RBFOX1: variants seen among roughly 807,000 people sequenced by gnomAD.
RBFOX1 encodes the protein RNA binding protein fox-1 homolog 1.
A neutral mutation model predicts 57.7 loss-of-function variants in RBFOX1; 8 were observed. The ratio of observed to expected loss-of-function variants is 0.14; its 90% CI spans 0.08 to 0.25. RBFOX1 has a LOEUF of 0.25. Among genes scored for constraint, RBFOX1 ranks in the 10% least tolerant of loss-of-function variants. The probability of loss-of-function intolerance (pLI) is 1.00; values close to 1 mark genes in which losing one functional copy is unlikely to be tolerated. For synonymous variants in RBFOX1, 326 were observed against 222.4 expected (o/e 1.47, Z -4.15); for missense variants, 611 against 548.5 (o/e 1.11, Z -1.14).
chr16:7,305,948 G>A (rs1466794595), intron 4 of RBFOX1, among the ~76,000 whole-genome samples: 3 of 152,086 alleles, frequency 2.0e-5, no homozygotes, highest in African/African-American at 7.2e-5. Context: ...ATGTGCATGT[G>A]CGTTTTATAC....
At chr16:6,299,939 A>G (rs2078614384) in intron 1 of RBFOX1, among the ~76,000 whole-genome samples, 1 of 152,176 alleles carries the variant, frequency 6.6e-6, no homozygotes, top group African/African-American at 2.4e-5. Context: ...TGCCCCCAGA[A>G]CCTACAGTTA....
intron 4 of RBFOX1, among the ~76,000 whole-genome samples, chr16:7,400,538 C>G (rs953080675): frequency 2.6e-5 from 4 of 152,104 alleles, no homozygotes; most frequent in African/African-American, 7.2e-5. Context: ...CAAATATATT[C>G]CTTTCCGGAT....
chr16:7,493,978 A>G (rs1177655269), intron 4 of RBFOX1, among the ~76,000 whole-genome samples: 1 of 152,224 alleles, frequency 6.6e-6, no homozygotes, highest in Non-Finnish European at 1.5e-5. Context: ...AGTTATTTGA[A>G]GAACCACACT....
chr16:5,396,367 A>T (rs184796428), intron 1 of RBFOX1, among the ~76,000 whole-genome samples: 6 of 152,260 alleles, frequency 3.9e-5, no homozygotes, highest in Admixed American at 3.3e-4. Context: ...GGGGCGAGGC[A>T]TGGGGGCTCA....
intron 3 of RBFOX1, among the ~76,000 whole-genome samples, chr16:6,849,317 T>C (rs2093939796): frequency 6.6e-6 from 1 of 152,224 alleles, no homozygotes; most frequent in Non-Finnish European, 1.5e-5. Context: ...GTGTTCATTT[T>C]TAAGAGAAAT....
At chr16:7,185,758 C>A (rs760494277) in intron 4 of RBFOX1, among the ~76,000 whole-genome samples, 35 of 152,126 alleles carry the variant, frequency 2.3e-4, no homozygotes, top group Non-Finnish European at 4.6e-4. Flanking sequence ...TATTGAATTC[C>A]TTCTGAAACT....
Position 6,311,679 on chromosome 16 carries a change from G to A in RBFOX1, c.-126-5316G>A, listed in dbSNP as rs74448701. Among the ~76,000 whole-genome samples, 1,228 of 152,302 alleles carry A rather than the reference G, an allele frequency of 8.1e-3. 3 individuals are homozygous for A. Among genetic ancestry groups the A allele is most frequent in the Non-Finnish European group, 0.011 (754 of 68,022 alleles). On this transcript the variant is annotated intron_variant, in intron 1 of 15. Coordinates refer to ENST00000550418, the MANE Select transcript of RBFOX1 (RefSeq NM_018723.4). ...GAGTCCAGGAAGGCATGAATCTTTCGCATGGCAGACTGAGGCCCATCAGAT... is the reference window on the plus strand; with the variant it reads ...GAGTCCAGGAAGGCATGAATCTTTCACATGGCAGACTGAGGCCCATCAGAT...
At chr16:5,261,635 C>T (rs1473714892) in intron 1 of RBFOX1, among the ~76,000 whole-genome samples, 8 of 151,212 alleles carry the variant, frequency 5.3e-5, no homozygotes, top group Non-Finnish European at 8.8e-5. Context: ...CTGCAAGCTC[C>T]GCCTCCCGGG....
chr16:6,582,231 T>C (rs2097546292), intron 2 of RBFOX1, among the ~76,000 whole-genome samples: 1 of 152,242 alleles, frequency 6.6e-6, no homozygotes, highest in Non-Finnish European at 1.5e-5. Flanking sequence ...TGAAGTGAAT[T>C]AACTCTTAAT....
chr16:5,504,135 A>T (rs959952769), intron 2 of RBFOX1, among the ~76,000 whole-genome samples: 1 of 152,184 alleles, frequency 6.6e-6, no homozygotes, highest in African/African-American at 2.4e-5. Context: ...TGCTCACAGC[A>T]CAAGCAGCTT....
At chr16:6,654,223 A>G (rs899589662) in intron 2 of RBFOX1, among the ~76,000 whole-genome samples, 2 of 152,162 alleles carry the variant, frequency 1.3e-5, no homozygotes, top group Non-Finnish European at 2.9e-5. Flanking sequence ...TTGAAGTGAG[A>G]CATATCTGAC....
chr16:6,484,259 GC>G (rs2095426435), intron 2 of RBFOX1, among the ~76,000 whole-genome samples: 1 of 152,198 alleles, frequency 6.6e-6, no homozygotes, highest in African/African-American at 2.4e-5. Context: ...TTGTGCATTT[GC>G]GAAGTTGGCA....
chr16:7,325,751 C>T (rs1000314584), intron 4 of RBFOX1, among the ~76,000 whole-genome samples: 1 of 152,186 alleles, frequency 6.6e-6, no homozygotes, highest in Non-Finnish European at 1.5e-5. Context: ...GCGGTTGTGA[C>T]TTGGGTGTCA....
intron 1 of RBFOX1, among the ~76,000 whole-genome samples, chr16:6,238,242 A>G (rs2097521938): frequency 6.6e-6 from 1 of 152,154 alleles, no homozygotes; most frequent in Non-Finnish European, 1.5e-5. Context: ...GAATTACAGT[A>G]TGGCCAGGCA....
chr16:5,546,192 A>G (rs1369719850), intron 2 of RBFOX1, among the ~76,000 whole-genome samples: 2 of 152,196 alleles, frequency 1.3e-5, no homozygotes, highest in Admixed American at 6.5e-5. Flanking sequence ...ATAAATGGAG[A>G]GACGATTACA....
At chr16:6,938,018 T>C (rs1315402007) in intron 3 of RBFOX1, among the ~76,000 whole-genome samples, 2 of 151,260 alleles carry the variant, frequency 1.3e-5, no homozygotes, top group African/African-American at 2.4e-5. Flanking sequence ...ATTTTTGGTT[T>C]ACGCAAGTCT....
chr16:5,454,458 T>G (rs1281786622), intron 1 of RBFOX1, among the ~76,000 whole-genome samples: 1 of 152,218 alleles, frequency 6.6e-6, no homozygotes, highest in Non-Finnish European at 1.5e-5. Flanking sequence ...GTGAGGGTGT[T>G]TTTATCTAAG....
At chr16:5,596,997 A>G (rs1241915705) in intron 2 of RBFOX1, among the ~76,000 whole-genome samples, 1 of 152,202 alleles carries the variant, frequency 6.6e-6, no homozygotes, top group Non-Finnish European at 1.5e-5. Flanking sequence ...TTTTTCCATG[A>G]CCAATGTCTA....
At position 6,656,931 on chromosome 16, in the gene RBFOX1, CCCTCTCCTCCCCTTT is replaced by C. The variant is rs1568078168; in HGVS notation, c.-16+2306_-16+2320del. On this transcript the variant is annotated intron_variant, in intron 3 of 15. Transcript: ENST00000550418. ...TCCTCTCCTCCCCTCTCCTCTCCTC[CCCTCTCCTCCCCTTT>C]CCTCTCCTCCCCTTTCCTCTCCTCT... 9.0e-4 allele frequency among the ~76,000 whole-genome samples: 50 copies of C among 55,634 alleles called. 1 individual carries two copies. Among genetic ancestry groups the C allele is most frequent in the East Asian group, 7.4e-3 (10 of 1,352 alleles). 36.5% of individuals were successfully genotyped at this position (55,634 alleles called of 152,430 possible). A position where few individuals can be genotyped will look rare whatever the true frequency, so the allele number is the denominator to read the frequency against.
Sources: allele counts gnomAD v4.1 joint callset (sites outside exome capture counted in the v4.1 genomes callset), GRCh38; gene constraint gnomAD v4.1.1; transcripts MANE v1.5; gene names NCBI Gene and HGNC (gene_info 2026-07-23, HGNC 2026-07-21).